PCDHA1: variants seen among roughly 807,000 people sequenced by gnomAD.
The protein encoded by PCDHA1 is protocadherin alpha-1.
Under a neutral mutation model 61.3 loss-of-function variants are expected in PCDHA1, and 42 were observed. The ratio of observed to expected loss-of-function variants is 0.69; its 90% CI spans 0.54 to 0.89. The LOEUF (loss-of-function observed/expected upper bound fraction) is 0.89, where lower values mean the gene tolerates loss of function less well. Ranked by LOEUF, PCDHA1 falls within the 40% of genes least tolerant of loss-of-function variation. The probability of loss-of-function intolerance (pLI) is 0.00; values close to 1 mark genes in which losing one functional copy is unlikely to be tolerated. For missense variants in PCDHA1, 1,256 were observed against 1,235.3 expected, an observed-to-expected ratio of 1.02 and a Z score of -0.25; for synonymous variants, 610 against 553.8, an observed-to-expected ratio of 1.10 and a Z score of -1.43.
intron 3 of PCDHA1, among the ~76,000 whole-genome samples, chr5:141,002,517 G>A (rs770473989): frequency 5.3e-5 from 8 of 152,208 alleles, no homozygotes; most frequent in Non-Finnish European, 8.8e-5. Flanking sequence ...GAGTCTCCTA[G>A]CTGGAGTCAG....
intron 1 of PCDHA1, among the ~76,000 whole-genome samples, chr5:140,798,961 T>C (rs1296909474): frequency 6.6e-6 from 1 of 152,210 alleles, no homozygotes; most frequent in African/African-American, 2.4e-5. Context: ...CTTTAGCCAT[T>C]TCATAGTTAG....
At chr5:140,994,515 C>T (rs1450335712) in intron 3 of PCDHA1, among the ~76,000 whole-genome samples, 1 of 150,120 alleles carries the variant, frequency 6.7e-6, no homozygotes, top group African/African-American at 2.5e-5. Flanking sequence ...ACAGCCTGGG[C>T]AACATGGCAA....
At chr5:140,807,880 A>G (rs1338912507) in intron 1 of PCDHA1, 2 of 1,614,152 alleles carry the variant, frequency 1.2e-6, no homozygotes, top group East Asian at 4.5e-5. Flanking sequence ...TACTCATCAC[A>G]GTACTGGATG....
At position 140,856,428 on chromosome 5, in the gene PCDHA1, A is replaced by G. The variant is rs782670614; in HGVS notation, c.2394+67744A>G. On this transcript the variant is annotated intron_variant, in intron 1 of 3. Coordinates refer to ENST00000504120, the MANE Select transcript of PCDHA1 (RefSeq NM_018900.4). ...GACGTGGAAGTGAAGGACATTAACG[A>G]CAACCCGCCCAGGTTCTCCGTAACA... The G allele has an allele frequency of 5.0e-6, 8 of 1,598,286 alleles. No homozygotes were observed. The East Asian group carries it at 1.8e-4, about 36-fold the overall frequency.
At chr5:140,870,461 C>T (rs1554164294) in intron 1 of PCDHA1, 1 of 1,614,246 alleles carries the variant, frequency 6.2e-7, no homozygotes, top group Non-Finnish European at 8.5e-7. Context: ...AATGCGCCTG[C>T]GTTCGCACAG....
chr5:140,846,341 G>GCTTTCTCT lies in PCDHA1; in HGVS notation c.2394+57658_2394+57665dup, dbSNP rs1176165668. On this transcript the variant is annotated intron_variant, in intron 1 of 3. Coordinates refer to ENST00000504120, the MANE Select transcript of PCDHA1 (RefSeq NM_018900.4). ...AGTGTTGTAAATAGCCTTTTAAAGTGCTTTCTCTTTTTTCTTTTCTTTTCT... is the reference window on the plus strand; with the variant it reads ...AGTGTTGTAAATAGCCTTTTAAAGTGCTTTCTCTCTTTCTCTTTTTTCTTTTCTTTTCT... Among the ~76,000 whole-genome samples, 20 of 144,650 alleles carry GCTTTCTCT rather than the reference G, an allele frequency of 1.4e-4. 2 individuals carry two copies. Among genetic ancestry groups the GCTTTCTCT allele is most frequent in the Non-Finnish European group, 1.5e-5 (1 of 64,996 alleles). 94.9% of individuals were successfully genotyped at this position (144,650 alleles called of 152,430 possible). A position where few individuals can be genotyped will look rare whatever the true frequency, so the allele number is the denominator to read the frequency against.
chr5:140,963,941 G>A lies in PCDHA1; in HGVS notation c.2395-15008G>A, dbSNP rs1434019587. Among the ~76,000 whole-genome samples the A allele has an allele frequency of 7.9e-5, 12 of 152,320 alleles. No homozygotes were observed. In the East Asian group the frequency reaches 9.6e-4, roughly 12 times the overall value. On this transcript the variant is annotated intron_variant, in intron 1 of 3. Coordinates refer to ENST00000504120, the MANE Select transcript of PCDHA1 (RefSeq NM_018900.4). ...TAAGTAACATGTCCATAGCCAAACAGTTAGTCACTGGCAGGAGTGTGACTG... is the reference window on the plus strand; with the variant it reads ...TAAGTAACATGTCCATAGCCAAACAATTAGTCACTGGCAGGAGTGTGACTG...
chr5:140,841,886 A>G, intron 1 of PCDHA1: 1 of 1,613,832 alleles, frequency 6.2e-7, no homozygotes, highest in South Asian at 1.1e-5. Context: ...GAACGATGAG[A>G]ATAAACTGGT....
chr5:140,864,619 T>A (rs895390232), intron 1 of PCDHA1: 2 of 152,222 alleles, frequency 1.3e-5, no homozygotes, highest in African/African-American at 4.8e-5. Flanking sequence ...TGTTCTTTTT[T>A]AAAAAGAAAA....
chr5:140,994,281 G>T (rs2097610222), intron 3 of PCDHA1, among the ~76,000 whole-genome samples: 1 of 152,144 alleles, frequency 6.6e-6, no homozygotes. Flanking sequence ...CCTTTCTTGA[G>T]ACAGTCCCCA....
intron 1 of PCDHA1, chr5:140,802,990 A>T (rs1462941214): frequency 2.5e-6 from 4 of 1,614,012 alleles, no homozygotes; most frequent in Non-Finnish European, 3.4e-6. Flanking sequence ...CGCGCAGTGG[A>T]TGCAGACTCA....
At chr5:140,993,466 A>T (rs1374096077) in intron 3 of PCDHA1, among the ~76,000 whole-genome samples, 2 of 45,548 alleles carry the variant, frequency 4.4e-5, no homozygotes, top group African/African-American at 1.2e-4. Flanking sequence ...TCTTTCTCAC[A>T]CACACACACA....
chr5:140,883,995 C>A (rs1371206040), intron 1 of PCDHA1: 2 of 1,612,878 alleles, frequency 1.2e-6, no homozygotes, highest in Non-Finnish European at 8.5e-7. Flanking sequence ...GCGGGAGGCA[C>A]AGTGAGCGAG....
Position 140,843,222 on chromosome 5 carries a change from C to T in PCDHA1, c.2394+54538C>T, listed in dbSNP as rs2150355483. On this transcript the variant is annotated intron_variant, in intron 1 of 3. Coordinates refer to ENST00000504120, the MANE Select transcript of PCDHA1 (RefSeq NM_018900.4). ...CTGTACACGGGCGAGATCAGCACCA[C>T]TCGTGTCCTGGACGAAGCGGACTCT... is the stretch of plus-strand genomic sequence containing the variant. 32 of 1,596,168 alleles carry T rather than the reference C, an allele frequency of 2.0e-5. 4 individuals are homozygous for T. Among genetic ancestry groups the T allele is most frequent in the Non-Finnish European group, 2.5e-5 (29 of 1,165,638 alleles).
In PCDHA1 at chr5:140,877,445, C is replaced by T. The variant is rs782657623; in HGVS notation, c.2394+88761C>T. ...CTGGTGAAGGACCACGGTGAGCCCG[C>T]GCTGACGTCCACGGCCACGGTGCTG... On this transcript the variant is annotated intron_variant, in intron 1 of 3. Transcript: ENST00000504120. 36 of 1,613,714 alleles carry T rather than the reference C, an allele frequency of 2.2e-5. No individual in the cohort carries two copies. The highest frequency in any genetic ancestry group is 3.0e-5 in the Non-Finnish European group (35 of 1,179,874).
chr5:140,959,163 C>T (rs246007), intron 1 of PCDHA1, among the ~76,000 whole-genome samples: 85,446 of 151,632 alleles, frequency 0.56, 24,671 homozygotes, highest in African/African-American at 0.69. Context: ...GATTGCTTGA[C>T]CCCAGGAGTT....
chr5:140,978,196 T>C (rs1043778941), intron 1 of PCDHA1, among the ~76,000 whole-genome samples: 1 of 152,190 alleles, frequency 6.6e-6, no homozygotes. Flanking sequence ...ATCTTTTCAA[T>C]ACACAACTAA....
intron 1 of PCDHA1, chr5:140,834,417 C>G (rs1772976539): frequency 6.2e-7 from 1 of 1,611,544 alleles, no homozygotes; most frequent in Non-Finnish European, 8.5e-7. Context: ...CCCAGGGGGC[C>G]GACATCTACT....
At chr5:140,985,847 C>T (rs1178290779) in intron 3 of PCDHA1, among the ~76,000 whole-genome samples, 4 of 150,300 alleles carry the variant, frequency 2.7e-5, no homozygotes, top group African/African-American at 7.3e-5. Context: ...TCATGCCACT[C>T]TCCTGCCTCA....
Sources: allele counts gnomAD v4.1 joint callset (sites outside exome capture counted in the v4.1 genomes callset), GRCh38; gene constraint gnomAD v4.1.1; transcripts MANE v1.5; gene names NCBI Gene and HGNC (gene_info 2026-07-23, HGNC 2026-07-21).